Variants in PITPNC1 observed in about 807,000 individuals in gnomAD.
The protein encoded by PITPNC1 is phosphatidylinositol transfer protein cytoplasmic 1, also known as cytoplasmic phosphatidylinositol transfer protein 1.
Under a neutral mutation model 44.7 loss-of-function variants are expected in PITPNC1, and 18 were observed. The ratio of observed to expected loss-of-function variants is 0.40; its 90% CI spans 0.28 to 0.60. PITPNC1 has a LOEUF of 0.60. PITPNC1 is among the 20% of genes least tolerant of loss of function. The pLI is 0.39. For missense variants in PITPNC1, 290 were observed against 418.4 expected, an observed-to-expected ratio of 0.69 and a Z score of 2.68; for synonymous variants, 141 against 149.6, an observed-to-expected ratio of 0.94 and a Z score of 0.42.
intron 1 of PITPNC1, among the ~76,000 whole-genome samples, chr17:67,426,708 A>G (rs2038771403): frequency 1.4e-5 from 2 of 146,738 alleles, no homozygotes; most frequent in Non-Finnish European, 3.0e-5. Context: ...CTCATTCTGC[A>G]CATGTATCCC....
At chr17:67,632,107 A>G (rs377580199) in intron 5 of PITPNC1, 36 bp from the exon 6 acceptor site, 15 of 1,341,068 alleles carry the variant, frequency 1.1e-5, no homozygotes, top group Non-Finnish European at 1.6e-5. Context: ...AACACCTGCT[A>G]TCACTAACCT....
chr17:67,647,357 C>T (rs949390506), intron 6 of PITPNC1, among the ~76,000 whole-genome samples: 2 of 151,898 alleles, frequency 1.3e-5, no homozygotes, highest in African/African-American at 4.8e-5. Flanking sequence ...GTGGCACCAT[C>T]ACGACCCACT....
intron 1 of PITPNC1, among the ~76,000 whole-genome samples, chr17:67,390,721 G>C (rs62084077): frequency 6.6e-6 from 1 of 151,980 alleles, no homozygotes; most frequent in Non-Finnish European, 1.5e-5. Flanking sequence ...CCCAGGTGGC[G>C]TATTGCTAGA....
intron 5 of PITPNC1, among the ~76,000 whole-genome samples, chr17:67,583,865 T>TGTGTGTG (rs1568051977): frequency 8.4e-5 from 10 of 118,446 alleles, no homozygotes; most frequent in South Asian, 3.1e-4. Flanking sequence ...CTGGCTAATT[T>TGTGTGTG]TGTGTGTGTG....
intron 1 of PITPNC1, among the ~76,000 whole-genome samples, chr17:67,447,621 A>ATC (rs1410457670): frequency 1.3e-5 from 2 of 151,192 alleles, no homozygotes; most frequent in Admixed American, 6.6e-5. Context: ...CCCACCTCAG[A>ATC]CTCCCAAAGT....
At chr17:67,518,812 G>A (rs182748261) in intron 1 of PITPNC1, among the ~76,000 whole-genome samples, 101 of 152,242 alleles carry the variant, frequency 6.6e-4, no homozygotes, top group African/African-American at 2.1e-3. Flanking sequence ...GCATAGTGCC[G>A]TGTGCCTGTA....
chr17:67,612,689 G>C (rs907249587), intron 5 of PITPNC1: 1 of 139,216 alleles, frequency 7.2e-6, no homozygotes, highest in African/African-American at 3.0e-5. Flanking sequence ...ATGGATGGAT[G>C]GATGGATGGA....
chr17:67,465,965 T>C (rs1056567224), intron 1 of PITPNC1, among the ~76,000 whole-genome samples: 1 of 151,014 alleles, frequency 6.6e-6, no homozygotes, highest in Admixed American at 6.6e-5. Context: ...AGAGCTGGTT[T>C]CCCCCCCGTC....
chr17:67,643,558 T>C (rs983157130), intron 6 of PITPNC1, among the ~76,000 whole-genome samples: 86 of 152,314 alleles, frequency 5.6e-4, no homozygotes, highest in African/African-American at 2.0e-3. Context: ...AACCTATGAA[T>C]TGGGATTCCC....
At chr17:67,621,704 G>A (rs2041832194) in intron 5 of PITPNC1, among the ~76,000 whole-genome samples, 2 of 152,266 alleles carry the variant, frequency 1.3e-5, no homozygotes, top group South Asian at 2.1e-4. Flanking sequence ...TGAATGGTGG[G>A]CATTCGGCCT....
chr17:67,380,961 CAG>C (rs2037949271), intron 1 of PITPNC1, among the ~76,000 whole-genome samples: 1 of 151,982 alleles, frequency 6.6e-6, no homozygotes, highest in East Asian at 1.9e-4. Flanking sequence ...TTTGTAGAGA[CAG>C]GGACTCGCTG....
chr17:67,425,729 G>A (rs924423257), intron 1 of PITPNC1, among the ~76,000 whole-genome samples: 14 of 151,862 alleles, frequency 9.2e-5, no homozygotes, highest in Admixed American at 5.9e-4. Flanking sequence ...GGGTCTCACT[G>A]TGTTGCCCAG....
chr17:67,536,495 G>A (rs570114917), intron 2 of PITPNC1, among the ~76,000 whole-genome samples: 4 of 152,248 alleles, frequency 2.6e-5, no homozygotes, highest in South Asian at 2.1e-4. Context: ...CCAAAGTGCC[G>A]GGATTACAGG....
intron 1 of PITPNC1, among the ~76,000 whole-genome samples, chr17:67,402,354 T>C (rs1230236783): frequency 6.6e-6 from 1 of 152,216 alleles, no homozygotes; most frequent in Non-Finnish European, 1.5e-5. Context: ...TGGGCCGTTA[T>C]TTACTGATCT....
intron 6 of PITPNC1, among the ~76,000 whole-genome samples, chr17:67,665,845 CT>C (rs11290420): frequency 0.77 from 103,993 of 135,692 alleles, 39,566 homozygotes; most frequent in Middle Eastern, 0.8. Context: ...CACTGAAGTA[CT>C]TTTTTTTTTT....
At chr17:67,460,935 T>G (rs2039328984) in intron 1 of PITPNC1, among the ~76,000 whole-genome samples, 1 of 151,312 alleles carries the variant, frequency 6.6e-6, no homozygotes, top group Non-Finnish European at 1.5e-5. Context: ...AGAGATGAGG[T>G]TTCACCATGT....
chr17:67,390,528 CAGG>C (rs1469621268), intron 1 of PITPNC1, among the ~76,000 whole-genome samples: 1 of 152,202 alleles, frequency 6.6e-6, no homozygotes, highest in Non-Finnish European at 1.5e-5. Flanking sequence ...AATACACATT[CAGG>C]AGGAGATGGT....
intron 1 of PITPNC1, among the ~76,000 whole-genome samples, chr17:67,443,432 C>T (rs1314394125): frequency 6.6e-6 from 1 of 151,890 alleles, no homozygotes; most frequent in Non-Finnish European, 1.5e-5. Context: ...TTGGTGGTTG[C>T]ATTCATTTTT....
At chr17:67,590,563 GC>G in intron 5 of PITPNC1, among the ~76,000 whole-genome samples, 1 of 152,254 alleles carries the variant, frequency 6.6e-6, no homozygotes, top group Non-Finnish European at 1.5e-5. Flanking sequence ...ATCATTGAAT[GC>G]TAAAACTAGT....
Sources: gnomAD v4.1 joint callset for allele counts (sites outside exome capture counted in the v4.1 genomes callset) on GRCh38, gnomAD v4.1.1 for gene constraint, MANE v1.5 for transcripts, NCBI Gene and HGNC (gene_info 2026-07-23, HGNC 2026-07-21) for gene names.